Variants in NRG3 observed in about 807,000 individuals in gnomAD.
NRG3 encodes neuregulin 3, also known as pro-neuregulin-3, membrane-bound isoform.
A neutral mutation model predicts 66.9 loss-of-function variants in NRG3; 31 were observed. The observed-to-expected ratio is 0.46, with a 90% CI of 0.35 to 0.63. NRG3 has a LOEUF of 0.63. NRG3 is among the 20% of genes least tolerant of loss of function. The pLI is 0.00. For missense variants in NRG3, 910 were observed against 878.9 expected (o/e 1.04, Z -0.45); for synonymous variants, 393 against 359.4 (o/e 1.09, Z -1.06).
At chr10:82,026,775 G>A (rs936873668) in intron 1 of NRG3, among the ~76,000 whole-genome samples, 1 of 151,868 alleles carries the variant, frequency 6.6e-6, no homozygotes, top group African/African-American at 2.4e-5. Flanking sequence ...GTTTTTGCAA[G>A]TTCAGTGAAT....
At chr10:82,517,424 G>T (rs1449316482) in intron 2 of NRG3, among the ~76,000 whole-genome samples, 1 of 152,128 alleles carries the variant, frequency 6.6e-6, no homozygotes, top group East Asian at 1.9e-4. Context: ...TATTCAGTTT[G>T]AACACTGTCC....
At chr10:81,962,571 G>A (rs1850466458) in intron 1 of NRG3, among the ~76,000 whole-genome samples, 2 of 152,182 alleles carry the variant, frequency 1.3e-5, no homozygotes, top group Admixed American at 6.5e-5. Flanking sequence ...AATCCCATGT[G>A]AGTCAGAGAT....
intron 3 of NRG3, among the ~76,000 whole-genome samples, chr10:82,781,233 G>A (rs2060107870): frequency 6.6e-6 from 1 of 152,182 alleles, no homozygotes. Flanking sequence ...ACGTAGAGGA[G>A]AGGAACAAGG....
At chr10:82,954,539 G>A (rs910764346) in intron 5 of NRG3, among the ~76,000 whole-genome samples, 1 of 151,888 alleles carries the variant, frequency 6.6e-6, no homozygotes, top group African/African-American at 2.4e-5. Context: ...CTGGGACACA[G>A]TTTTATTTAA....
rs566941822 is a variant in NRG3, at chr10:82,777,057, G to T, written c.1027+38407G>T. Among the ~76,000 whole-genome samples the T allele has an allele frequency of 8.2e-4, 125 of 152,138 alleles. 1 individual carries two copies. In the South Asian group the frequency reaches 9.3e-3, roughly 11 times the overall value. On this transcript the variant is annotated intron_variant, in intron 3 of 8. Coordinates refer to ENST00000372141, the MANE Select transcript of NRG3 (RefSeq NM_001010848.4). Reference sequence around the variant, plus strand: ...AACAGTAACTACTTTTAATTTTATAGATTGTTTTTTGTAGGAAAAAACTTT... The same window carrying T: ...AACAGTAACTACTTTTAATTTTATATATTGTTTTTTGTAGGAAAAAACTTT...
At chr10:82,708,364 T>A (rs998141936) in intron 2 of NRG3, among the ~76,000 whole-genome samples, 5 of 152,140 alleles carry the variant, frequency 3.3e-5, no homozygotes, top group Admixed American at 6.6e-5. Context: ...GTTACATGAG[T>A]AAATTATGTG....
chr10:82,522,720 A>G (rs1004127960), intron 2 of NRG3, among the ~76,000 whole-genome samples: 1 of 151,980 alleles, frequency 6.6e-6, no homozygotes, highest in Non-Finnish European at 1.5e-5. Context: ...AAAAAAAGTC[A>G]TTGTTTATCT....
chr10:82,462,992 C>G (rs537186074), intron 2 of NRG3, among the ~76,000 whole-genome samples: 1 of 152,146 alleles, frequency 6.6e-6, no homozygotes, highest in African/African-American at 2.4e-5. Context: ...ATTCTTTAAT[C>G]TCTTCATTAT....
chr10:81,966,235 C>T lies in NRG3; in HGVS notation c.823+90072C>T, dbSNP rs1284525974. Among the ~76,000 whole-genome samples the T allele has an allele frequency of 2.0e-5, 3 of 151,052 alleles. No homozygotes were observed. The East Asian group carries it at 5.8e-4, about 29-fold the overall frequency. ...CCTGAATTTCTGATAAAAGCTCTAC[C>T]TTGTCATAATATGTTCTTTTAATAT... On this transcript the variant is annotated intron_variant, in intron 1 of 8. Coordinates refer to ENST00000372141, the MANE Select transcript of NRG3 (RefSeq NM_001010848.4).
At chr10:82,520,217 A>G (rs925449440) in intron 2 of NRG3, among the ~76,000 whole-genome samples, 2 of 150,484 alleles carry the variant, frequency 1.3e-5, no homozygotes, top group African/African-American at 4.9e-5. Flanking sequence ...AGTGTATGGA[A>G]TAAGATGATT....
intron 3 of NRG3, among the ~76,000 whole-genome samples, chr10:82,815,476 A>G (rs1270614120): frequency 6.6e-6 from 1 of 152,076 alleles, no homozygotes; most frequent in Non-Finnish European, 1.5e-5. Context: ...CTACTACCTA[A>G]ATTTCCTCAA....
At chr10:82,254,373 C>T (rs1411300055) in intron 1 of NRG3, among the ~76,000 whole-genome samples, 1 of 152,188 alleles carries the variant, frequency 6.6e-6, no homozygotes, top group Non-Finnish European at 1.5e-5. Context: ...GGGCACAATA[C>T]TCCTGAGAAC....
chr10:82,314,778 C>G (rs2081210169), intron 1 of NRG3, among the ~76,000 whole-genome samples: 2 of 152,242 alleles, frequency 1.3e-5, no homozygotes, highest in Middle Eastern at 6.8e-3. Context: ...CCACTGCACT[C>G]CAGCCTGGGT....
chr10:82,334,136 C>CA (rs34320765), intron 1 of NRG3, among the ~76,000 whole-genome samples: 16,270 of 89,258 alleles, frequency 0.18, 1,542 homozygotes, highest in African/African-American at 0.28. Context: ...CATGGCGTCT[C>CA]AAAAAAAAAA....
chr10:81,929,395 A>C (rs187102246), intron 1 of NRG3, among the ~76,000 whole-genome samples: 1 of 152,314 alleles, frequency 6.6e-6, no homozygotes, highest in African/African-American at 2.4e-5. Context: ...TGAAAGATGC[A>C]GTATGAAATG....
At chr10:82,847,267 C>T (rs2063348542) in intron 3 of NRG3, among the ~76,000 whole-genome samples, 1 of 152,216 alleles carries the variant, frequency 6.6e-6, no homozygotes, top group Non-Finnish European at 1.5e-5. Flanking sequence ...CACTGTGTCA[C>T]ATGACCACCC....
In NRG3 at chr10:82,883,163, T is replaced by G. The variant is rs529604472; in HGVS notation, c.1054+17726T>G. Among the ~76,000 whole-genome samples the G allele has an allele frequency of 1.8e-4, 28 of 152,300 alleles. No individual in the cohort carries two copies. The South Asian group carries it at 5.6e-3, about 30-fold the overall frequency. On this transcript the variant is annotated intron_variant, in intron 4 of 8. Coordinates refer to ENST00000372141, the MANE Select transcript of NRG3 (RefSeq NM_001010848.4). Reference sequence around the variant, plus strand: ...AATGTGCTATATAAGAAGGCATGCCTTTTTTTCTTGGAAAATTATATTGTC... The same window carrying G: ...AATGTGCTATATAAGAAGGCATGCCGTTTTTTCTTGGAAAATTATATTGTC...
intron 2 of NRG3, among the ~76,000 whole-genome samples, chr10:82,443,774 A>G (rs2090565488): frequency 2.0e-5 from 3 of 152,202 alleles, no homozygotes; most frequent in Admixed American, 1.3e-4. Context: ...AAGAAGAGGC[A>G]ATATCTGTGC....
chr10:82,524,778 C>G (rs181524893), intron 2 of NRG3, among the ~76,000 whole-genome samples: 1 of 151,528 alleles, frequency 6.6e-6, no homozygotes, highest in Admixed American at 6.6e-5. Flanking sequence ...TTCCAGAGAT[C>G]TTCTCTGATC....
Sources: allele counts gnomAD v4.1 joint callset (sites outside exome capture counted in the v4.1 genomes callset), GRCh38; gene constraint gnomAD v4.1.1; transcripts MANE v1.5; gene names NCBI Gene and HGNC (gene_info 2026-07-23, HGNC 2026-07-21).